The following TRAPPC9 variants were observed in gnomAD, a reference collection of about 807,000 sequenced individuals.
TRAPPC9 encodes trafficking protein particle complex subunit 9, also known as IKK2 binding protein.
A neutral mutation model predicts 124.0 loss-of-function variants in TRAPPC9; 83 were observed. The ratio of observed to expected loss-of-function variants is 0.67; its 90% CI spans 0.56 to 0.80. The LOEUF is 0.80. TRAPPC9 is among the 30% of genes least tolerant of loss of function. TRAPPC9 has a pLI of 0.00. For missense variants in TRAPPC9, 1,302 were observed against 1,508.3 expected, an observed-to-expected ratio of 0.86 and a Z score of 2.27; for synonymous variants, 638 against 617.5, an observed-to-expected ratio of 1.03 and a Z score of -0.49.
At chr8:139,993,117 C>T (rs556850609) in intron 18 of TRAPPC9, among the ~76,000 whole-genome samples, 3 of 152,200 alleles carry the variant, frequency 2.0e-5, no homozygotes, top group Non-Finnish European at 2.9e-5. Context: ...CAAAGACAAG[C>T]TTCATTTTTA....
intron 18 of TRAPPC9, among the ~76,000 whole-genome samples, chr8:139,995,653 C>A (rs1484458886): frequency 6.6e-6 from 1 of 152,054 alleles, no homozygotes; most frequent in Non-Finnish European, 1.5e-5. Flanking sequence ...GAGATTGATT[C>A]AGAGAGCAGA....
chr8:140,047,435 C>A (rs917955163), intron 17 of TRAPPC9, among the ~76,000 whole-genome samples: 2 of 152,244 alleles, frequency 1.3e-5, no homozygotes, highest in African/African-American at 4.8e-5. Flanking sequence ...GAGAGCCAGG[C>A]ATGGCAGCCC....
intron 5 of TRAPPC9, among the ~76,000 whole-genome samples, chr8:140,405,922 T>G (rs928701826): frequency 3.3e-5 from 5 of 152,200 alleles, no homozygotes; most frequent in Non-Finnish European, 7.3e-5. Flanking sequence ...CCTTTTGAAA[T>G]TTTTTATTGA....
chr8:140,137,182 T>C (rs1003333325), intron 17 of TRAPPC9, among the ~76,000 whole-genome samples: 5 of 152,104 alleles, frequency 3.3e-5, no homozygotes, highest in Non-Finnish European at 4.4e-5. Flanking sequence ...AGGGCCACAA[T>C]TGGCAAATAG....
intron 17 of TRAPPC9, among the ~76,000 whole-genome samples, chr8:140,138,964 C>T (rs969612488): frequency 5.3e-5 from 8 of 152,118 alleles, no homozygotes; most frequent in African/African-American, 1.2e-4. Context: ...CGGCTGTGCT[C>T]GGTCAGAGTC....
chr8:139,908,087 G>A (rs999666755), intron 20 of TRAPPC9, among the ~76,000 whole-genome samples: 1 of 152,214 alleles, frequency 6.6e-6, no homozygotes, highest in Non-Finnish European at 1.5e-5. Context: ...GTGCCCCTGT[G>A]TGCCCAGCAC....
Position 139,932,672 on chromosome 8 carries a change from G to A in TRAPPC9, c.2811-22372C>T, listed in dbSNP as rs1833259786. On this transcript the variant is annotated intron_variant, in intron 19 of 22. Transcript: ENST00000438773. The stretch of plus-strand genomic sequence containing the variant: ...CCAGCTACGTGGGAGGCTGAGGCAC[G>A]AGAATTGCCTGAACCCCAGAGGTGG... The A allele has an allele frequency of 1.8e-5, 7 of 385,138 alleles. 1 individual carries two copies. The Middle Eastern group carries it at 2.7e-3, about 148-fold the overall frequency. 23.9% of individuals were successfully genotyped at this position (385,138 alleles called of 1,614,324 possible).
intron 17 of TRAPPC9, among the ~76,000 whole-genome samples, chr8:140,218,087 T>C (rs2063243764): frequency 6.6e-6 from 1 of 150,868 alleles, no homozygotes; most frequent in African/African-American, 2.4e-5. Flanking sequence ...GTGCCAATAA[T>C]CTATACAGAA....
At chr8:140,415,994 T>C (rs1026949515) in intron 5 of TRAPPC9, among the ~76,000 whole-genome samples, 4 of 150,786 alleles carry the variant, frequency 2.7e-5, no homozygotes, top group African/African-American at 9.8e-5. Context: ...GTCAACAACC[T>C]AAGAAACTAG....
intron 14 of TRAPPC9, among the ~76,000 whole-genome samples, chr8:140,282,564 CAAA>C (rs36115226): frequency 3.6e-5 from 5 of 140,132 alleles, no homozygotes; most frequent in Non-Finnish European, 3.1e-5. Flanking sequence ...AAGACTCCGT[CAAA>C]AAAAAAAAAA....
chr8:139,751,969 C>T (rs1270534612), intron 21 of TRAPPC9, among the ~76,000 whole-genome samples: 1 of 151,138 alleles, frequency 6.6e-6, no homozygotes, highest in Non-Finnish European at 1.5e-5. Flanking sequence ...ACCCATCCAC[C>T]ATTCACACAT....
intron 18 of TRAPPC9, among the ~76,000 whole-genome samples, chr8:140,002,844 CAAAAAAAAAA>C (rs56895763): frequency 3.3e-4 from 23 of 68,806 alleles, no homozygotes; most frequent in African/African-American, 4.8e-4. Context: ...TTCCACTTAT[CAAAAAAAAAA>C]AAAAAAAAAA....
In TRAPPC9 at chr8:140,252,178, AC is replaced by A. The variant is rs1034686086; in HGVS notation, c.2431+598del. Among the ~76,000 whole-genome samples, 2 of 152,080 alleles carry A rather than the reference AC, an allele frequency of 1.3e-5. No individual in the cohort carries two copies. Among genetic ancestry groups the A allele is most frequent in the African/African-American group, 4.8e-5 (2 of 41,396 alleles). On this transcript the variant is annotated intron_variant, in intron 16 of 22. Transcript: ENST00000438773. The surrounding 1 kb of genome is among the most constrained non-coding windows in gnomAD (Gnocchi z 4.2). Reference sequence around the variant, plus strand: ...GTAGCTGGGATTACAGGCATGCGCCACCATGCCCGACGAATTTTTGTATTGT... The same window carrying A: ...GTAGCTGGGATTACAGGCATGCGCCACATGCCCGACGAATTTTTGTATTGT...
intron 21 of TRAPPC9, among the ~76,000 whole-genome samples, chr8:139,884,935 C>T (rs896495343): frequency 1.1e-4 from 16 of 152,290 alleles, no homozygotes; most frequent in Admixed American, 3.9e-4. Context: ...GGCTGAAGGG[C>T]GCTGGTGGAG....
chr8:139,736,633 AG>A (rs1818184596), intron 21 of TRAPPC9, among the ~76,000 whole-genome samples: 1 of 151,944 alleles, frequency 6.6e-6, no homozygotes, highest in Non-Finnish European at 1.5e-5. Context: ...TGGGACCCCC[AG>A]GGTACAGCTG....
intron 18 of TRAPPC9, among the ~76,000 whole-genome samples, chr8:140,007,246 G>C (rs1392618458): frequency 6.6e-6 from 1 of 152,168 alleles, no homozygotes; most frequent in African/African-American, 2.4e-5. Context: ...CGTAATCAGG[G>C]GCAATAACAG....
In TRAPPC9 at chr8:140,248,563, T is replaced by C. The variant is rs543567232; in HGVS notation, c.2431+4214A>G. Among the ~76,000 whole-genome samples the C allele has an allele frequency of 2.0e-4, 30 of 152,378 alleles. No homozygotes were observed. In the South Asian group the frequency reaches 6.2e-3, roughly 32 times the overall value. On this transcript the variant is annotated intron_variant, in intron 16 of 22. Coordinates refer to ENST00000438773, the MANE Select transcript of TRAPPC9 (RefSeq NM_001160372.4). ...GTGGGGATACTCTGGTAACTGGTTT[T>C]GCTATATATTTTTGCCTATGGGTAT...
intron 13 of TRAPPC9, among the ~76,000 whole-genome samples, chr8:140,286,406 C>A (rs536393491): frequency 1.3e-5 from 2 of 152,208 alleles, no homozygotes; most frequent in Non-Finnish European, 2.9e-5. Context: ...GGAAGATCGC[C>A]GGGCCACAGA....
At chr8:140,290,901 G>A (rs543377434) in intron 12 of TRAPPC9, 92 bp downstream of exon 12, 25 of 996,586 alleles carry the variant, frequency 2.5e-5, no homozygotes, top group East Asian at 4.8e-5. Flanking sequence ...GACACATATC[G>A]TAAGATGTGT....
Sources: allele counts gnomAD v4.1 joint callset (sites outside exome capture counted in the v4.1 genomes callset), GRCh38; gene constraint gnomAD v4.1.1; non-coding constraint Gnocchi (gnomAD v3.1); transcripts MANE v1.5; gene names NCBI Gene and HGNC (gene_info 2026-07-23, HGNC 2026-07-21).